Variants in ARAP2 observed in about 807,000 individuals in gnomAD.
ARAP2 encodes the protein arf-GAP with Rho-GAP domain, ANK repeat and PH domain-containing protein 2.
In ARAP2, 148 loss-of-function variants were observed where a neutral mutation model predicts 194.5. The ratio of observed to expected loss-of-function variants is 0.76; its 90% CI spans 0.67 to 0.87. The LOEUF (loss-of-function observed/expected upper bound fraction) is 0.87, where lower values mean the gene tolerates loss of function less well. ARAP2 is among the 40% of genes least tolerant of loss of function. ARAP2 has a pLI of 0.00. For synonymous variants in ARAP2, 695 were observed against 683.5 expected (o/e 1.02, Z -0.26); for missense variants, 2,128 against 1,989.7 (o/e 1.07, Z -1.32).
chr4:36,025,664 A>G (rs1041413054), intron 5 of ARAP2, among the ~76,000 whole-genome samples: 5 of 152,040 alleles, frequency 3.3e-5, no homozygotes, highest in African/African-American at 1.2e-4. Flanking sequence ...GGCTGTGGAG[A>G]ATTACACTTT....
intron 6 of ARAP2, among the ~76,000 whole-genome samples, chr4:36,207,948 G>C (rs1745916992): frequency 6.6e-6 from 1 of 152,160 alleles, no homozygotes; most frequent in African/African-American, 2.4e-5. Flanking sequence ...CCTAATGCTA[G>C]GTTTTTCACA....
At chr4:36,053,955 G>C (rs1723090253) in intron 2 of ARAP2, among the ~76,000 whole-genome samples, 1 of 152,230 alleles carries the variant, frequency 6.6e-6, no homozygotes, top group Non-Finnish European at 1.5e-5. Flanking sequence ...TGGAATAAAA[G>C]AGTGAATGAG....
chr4:36,232,096 C>G (rs1291714215), intron 1 of ARAP2, among the ~76,000 whole-genome samples: 1 of 152,198 alleles, frequency 6.6e-6, no homozygotes, highest in Non-Finnish European at 1.5e-5. Context: ...AACTTATCAG[C>G]TGGCAAATGG....
chr4:36,167,343 T>C (rs1247437558), intron 9 of ARAP2, among the ~76,000 whole-genome samples: 2 of 152,124 alleles, frequency 1.3e-5, no homozygotes, highest in Non-Finnish European at 2.9e-5. Context: ...ATCCATTCAT[T>C]AAAGGAAGCT....
chr4:36,034,472 G>C (rs1338878636), intron 5 of ARAP2, among the ~76,000 whole-genome samples: 2 of 152,120 alleles, frequency 1.3e-5, no homozygotes, highest in African/African-American at 4.8e-5. Flanking sequence ...AGGAATGCTA[G>C]TGATTTTTGT....
chr4:36,165,188 T>G, intron 10 of ARAP2, 75 bp from the exon 11 acceptor site: 1 of 1,399,668 alleles, frequency 7.1e-7, no homozygotes, highest in Non-Finnish European at 1.0e-6. Context: ...AGTTTGCATA[T>G]TCATTTCACT....
intron 5 of ARAP2, among the ~76,000 whole-genome samples, chr4:36,032,386 A>C (rs1255103476): frequency 1.3e-5 from 2 of 152,348 alleles, no homozygotes; most frequent in Non-Finnish European, 2.9e-5. Flanking sequence ...AAGCCATTCA[A>C]AAACTTAGTT....
chr4:36,124,864 A>T lies in ARAP2; in HGVS notation c.3744T>A (p.Tyr1248Ter). Residue 1248 changes from tyrosine to a stop codon, truncating the protein, a stop_gained and splice_region_variant, in exon 22 of 33, where the codon TAT (tyrosine) becomes TAA (stop). Coordinates refer to ENST00000303965, the MANE Select transcript of ARAP2 (RefSeq NM_015230.4). LOFTEE classifies it high-confidence loss of function. ...GAAAAGTTCATTCATCTACCCACCT[A>T]TACAGGTGTTCAATGATAGCTGCTA... ...ATLAAIIEHL[Y>*]RVQKCSEINH... 6.3e-7 allele frequency: 1 copy of T among 1,597,334 alleles called. No homozygotes were observed. Among genetic ancestry groups the T allele is most frequent in the Non-Finnish European group, 8.6e-7 (1 of 1,166,682 alleles).
chr4:36,173,643 AGAT>A (rs1737153741), intron 9 of ARAP2, among the ~76,000 whole-genome samples: 1 of 152,158 alleles, frequency 6.6e-6, no homozygotes, highest in Non-Finnish European at 1.5e-5. Context: ...TGGACAAAGA[AGAT>A]GAAGAGACAA....
chr4:36,214,178 T>C (rs1167134020), intron 3 of ARAP2, among the ~76,000 whole-genome samples: 3 of 152,168 alleles, frequency 2.0e-5, no homozygotes, highest in African/African-American at 7.2e-5. Context: ...TAATGATAAA[T>C]GAAGCTTGTA....
Position 36,178,154 on chromosome 4 carries a change from A to G in ARAP2, c.1679-149T>C, listed in dbSNP as rs1348380335. The G allele has an allele frequency of 4.7e-6, 3 of 638,564 alleles. No individual in the cohort carries two copies. In the East Asian group the frequency reaches 8.9e-5, roughly 19 times the overall value. The allele number at this position is 638,564 out of a possible 1,614,324, so 39.6% of individuals were successfully genotyped here. ...TCTAAATGCTACTGTAAACAGAGCCAATGACTCAATTCTTTGAGGGAAAAG... is the reference window on the plus strand; with the variant it reads ...TCTAAATGCTACTGTAAACAGAGCCGATGACTCAATTCTTTGAGGGAAAAG... On this transcript the variant is annotated intron_variant, in intron 8 of 32. Transcript: ENST00000303965.
chr4:36,061,122 A>G (rs1439128401), downstream of ARAP2, among the ~76,000 whole-genome samples: 1 of 152,184 alleles, frequency 6.6e-6, no homozygotes, highest in East Asian at 1.9e-4. Flanking sequence ...TATGGGGTAT[A>G]TGAGATGTTT....
intron 8 of ARAP2, among the ~76,000 whole-genome samples, chr4:36,181,877 G>T (rs765592936): frequency 2.0e-5 from 3 of 152,114 alleles, no homozygotes; most frequent in Non-Finnish European, 4.4e-5. Flanking sequence ...CAAGATGGGG[G>T]GCCCAGGGAG....
chr4:36,150,804 G>A (rs1386192543), intron 16 of ARAP2, 96 bp downstream of exon 16: 15 of 1,328,714 alleles, frequency 1.1e-5, no homozygotes, highest in East Asian at 2.4e-5. Flanking sequence ...TCTATTAGAA[G>A]CAACTAAAGA....
At chr4:36,106,954 C>G (rs1718571451) in intron 27 of ARAP2, among the ~76,000 whole-genome samples, 1 of 151,626 alleles carries the variant, frequency 6.6e-6, no homozygotes, top group South Asian at 2.1e-4. Context: ...AACAACACAA[C>G]AGAAGAATAA....
intron 2 of ARAP2, among the ~76,000 whole-genome samples, chr4:36,224,610 C>T (rs1578339273): frequency 6.6e-6 from 1 of 152,046 alleles, no homozygotes; most frequent in Non-Finnish European, 1.5e-5. Flanking sequence ...GATGGATTTA[C>T]AAAAATGAAA....
chr4:36,244,677 C>G (rs987551661), upstream of ARAP2, among the ~76,000 whole-genome samples: 2 of 152,042 alleles, frequency 1.3e-5, no homozygotes, highest in African/African-American at 4.8e-5. Context: ...TGGCGCACCT[C>G]GGCCCGGAGG....
At chr4:36,028,237 AT>A (rs1718267501) in intron 5 of ARAP2, among the ~76,000 whole-genome samples, 1 of 152,124 alleles carries the variant, frequency 6.6e-6, no homozygotes, top group African/African-American at 2.4e-5. Context: ...CCTTTTTGGC[AT>A]GGAAAAATGT....
intron 1 of ARAP2, among the ~76,000 whole-genome samples, chr4:36,240,990 T>C (rs1753401016): frequency 6.6e-6 from 1 of 152,184 alleles, no homozygotes; most frequent in Non-Finnish European, 1.5e-5. Flanking sequence ...TTAGCTTCTG[T>C]AAGTCTTTTC....
Sources: allele counts gnomAD v4.1 joint callset (sites outside exome capture counted in the v4.1 genomes callset), GRCh38; gene constraint gnomAD v4.1.1; transcripts MANE v1.5; gene names NCBI Gene and HGNC (gene_info 2026-07-23, HGNC 2026-07-21).